Variants in CACNG3 observed in about 807,000 individuals in gnomAD.
The protein encoded by CACNG3 is voltage-dependent calcium channel gamma-3 subunit.
CACNG3 carries 3 observed loss-of-function variants against 28.5 expected under a neutral mutation model. The observed-to-expected ratio is 0.11, with a 90% CI of 0.05 to 0.27. The LOEUF (loss-of-function observed/expected upper bound fraction) is 0.27, where lower values mean the gene tolerates loss of function less well. CACNG3 is among the 10% of genes least tolerant of loss of function. The pLI, the probability that CACNG3 is intolerant of heterozygous loss-of-function variation, is 1.00. For synonymous variants in CACNG3, 174 were observed against 162.2 expected, an observed-to-expected ratio of 1.07 and a Z score of -0.55; for missense variants, 236 against 414.4, an observed-to-expected ratio of 0.57 and a Z score of 3.74.
intron 1 of CACNG3, among the ~76,000 whole-genome samples, chr16:24,282,335 G>C (rs1319764098): frequency 6.6e-6 from 1 of 152,020 alleles, no homozygotes; most frequent in Non-Finnish European, 1.5e-5. Context: ...AGACTGAAGA[G>C]TCACACTGGG....
At chr16:24,349,177 AC>A (rs1479853043) in intron 2 of CACNG3, among the ~76,000 whole-genome samples, 1 of 152,034 alleles carries the variant, frequency 6.6e-6, no homozygotes, top group East Asian at 1.9e-4. Context: ...CTGACCCACA[AC>A]CCTGGTGGGA....
chr16:24,306,168 T>C (rs1250924540), intron 1 of CACNG3, among the ~76,000 whole-genome samples: 1 of 152,224 alleles, frequency 6.6e-6, no homozygotes. Context: ...TAGTGGGACT[T>C]GTCACACCAG....
chr16:24,310,263 T>C (rs1899242517), intron 1 of CACNG3, among the ~76,000 whole-genome samples: 1 of 152,144 alleles, frequency 6.6e-6, no homozygotes, highest in Non-Finnish European at 1.5e-5. Context: ...TGAAAATAGC[T>C]CTTATTTAAA....
intron 1 of CACNG3, among the ~76,000 whole-genome samples, chr16:24,331,477 G>T (rs151022558): frequency 6.6e-6 from 1 of 152,224 alleles, no homozygotes; most frequent in Non-Finnish European, 1.5e-5. Flanking sequence ...CATCACCAGT[G>T]GCTTCTCCAA....
intron 1 of CACNG3, among the ~76,000 whole-genome samples, chr16:24,260,755 G>A (rs965065137): frequency 3.3e-5 from 5 of 152,172 alleles, no homozygotes; most frequent in East Asian, 1.9e-4. Context: ...CAAAGGACAC[G>A]CTTTGCATGG....
chr16:24,349,669 C>T (rs930322501), intron 2 of CACNG3, among the ~76,000 whole-genome samples: 11 of 152,294 alleles, frequency 7.2e-5, no homozygotes, highest in South Asian at 2.1e-4. Flanking sequence ...GCAGTGAGGA[C>T]GACCAGAGGT....
chr16:24,294,596 T>C (rs1899005856), intron 1 of CACNG3, among the ~76,000 whole-genome samples: 1 of 152,188 alleles, frequency 6.6e-6, no homozygotes, highest in Non-Finnish European at 1.5e-5. Context: ...ATTCAGGGTC[T>C]CACTATGTTG....
intron 1 of CACNG3, among the ~76,000 whole-genome samples, chr16:24,295,789 C>A (rs556254057): frequency 6.6e-6 from 1 of 152,216 alleles, no homozygotes; most frequent in East Asian, 1.9e-4. Flanking sequence ...ATAGAGGCTA[C>A]AGTGAGCTAT....
chr16:24,279,715 G>A (rs1001353984), intron 1 of CACNG3, among the ~76,000 whole-genome samples: 17 of 152,182 alleles, frequency 1.1e-4, no homozygotes, highest in Admixed American at 9.2e-4. Context: ...GTAGATGCTT[G>A]AAAGCTGGAA....
In CACNG3 at chr16:24,256,910, G is replaced by A. The variant is rs1230597836; in HGVS notation, c.156G>A (p.Arg52=). The part of the protein sequence containing the change: ...TKSTSDNETS[R]KNEEVMTHSG... ...CTACAAGTGATAATGAAACCAGCAGGAAGAATGAAGAAGTAATGACCCATT... is the reference window on the plus strand; with the variant it reads ...CTACAAGTGATAATGAAACCAGCAGAAAGAATGAAGAAGTAATGACCCATT... Residue 52 remains arginine, a synonymous_variant, in exon 1 of 4, where the codon AGG becomes AGA. Transcript: ENST00000005284. This position sits in a 1 kb window ranked among gnomAD's most constrained non-coding sequence, Gnocchi z 4.6. 1 of 1,614,060 alleles carries A rather than the reference G, an allele frequency of 6.2e-7. No homozygotes were observed. The highest frequency in any genetic ancestry group is 1.7e-5 in the Admixed American group (1 of 60,030).
At chr16:24,265,830 T>A (rs981482314) in intron 1 of CACNG3, among the ~76,000 whole-genome samples, 2 of 152,216 alleles carry the variant, frequency 1.3e-5, no homozygotes, top group African/African-American at 4.8e-5. Flanking sequence ...ATATCCTCAA[T>A]TTTGCTGCTT....
chr16:24,324,281 C>A (rs1567219231), intron 1 of CACNG3, among the ~76,000 whole-genome samples: 1 of 152,196 alleles, frequency 6.6e-6, no homozygotes, highest in African/African-American at 2.4e-5. Flanking sequence ...ATTCAGCCCA[C>A]AAACCCAGGT....
intron 1 of CACNG3, among the ~76,000 whole-genome samples, chr16:24,281,352 C>A (rs1174741846): frequency 4.0e-5 from 6 of 151,328 alleles, no homozygotes; most frequent in African/African-American, 1.5e-4. Context: ...CATGCACCAC[C>A]ATACCCAGCT....
intron 1 of CACNG3, among the ~76,000 whole-genome samples, chr16:24,315,052 G>T (rs1481094458): frequency 1.3e-5 from 2 of 152,086 alleles, no homozygotes; most frequent in African/African-American, 4.8e-5. Context: ...AAAAGGACTT[G>T]GTTCTAGCAG....
chr16:24,329,222 T>G (rs922108655), intron 1 of CACNG3, among the ~76,000 whole-genome samples: 1 of 152,196 alleles, frequency 6.6e-6, no homozygotes, highest in East Asian at 1.9e-4. Flanking sequence ...GGATGTCAGG[T>G]GCAGTTAATG....
At chr16:24,317,626 GACA>G (rs1283942394) in intron 1 of CACNG3, among the ~76,000 whole-genome samples, 21 of 46,304 alleles carry the variant, frequency 4.5e-4, no homozygotes, top group Middle Eastern at 9.6e-3. Flanking sequence ...AAGAAAGAAA[GACA>G]GACAGAAAGA....
At chr16:24,347,030 G>C (rs1284226707) in intron 2 of CACNG3, among the ~76,000 whole-genome samples, 2 of 152,168 alleles carry the variant, frequency 1.3e-5, no homozygotes, top group South Asian at 2.1e-4. Flanking sequence ...GAAGAAGCAG[G>C]GGGTAGGGTG....
chr16:24,287,240 A>T (rs1466174211), intron 1 of CACNG3, among the ~76,000 whole-genome samples: 1 of 152,158 alleles, frequency 6.6e-6, no homozygotes, highest in Non-Finnish European at 1.5e-5. Flanking sequence ...GCTCTGGGCC[A>T]TGCATGGTGA....
At chr16:24,340,185 C>T (rs182691257) in intron 1 of CACNG3, among the ~76,000 whole-genome samples, 6 of 152,152 alleles carry the variant, frequency 3.9e-5, no homozygotes, top group Middle Eastern at 6.8e-3. Context: ...GTGGGAGGAT[C>T]GCTTGAACCC....
Sources: gnomAD v4.1 joint callset for allele counts (sites outside exome capture counted in the v4.1 genomes callset) on GRCh38, gnomAD v4.1.1 for gene constraint, Gnocchi (gnomAD v3.1) non-coding constraint, MANE v1.5 for transcripts, NCBI Gene and HGNC (gene_info 2026-07-23, HGNC 2026-07-21) for gene names.